The following SLIT2 variants were observed in gnomAD, a reference collection of about 807,000 sequenced individuals.
The protein encoded by SLIT2 is slit homolog 2 protein.
A neutral mutation model predicts 185.7 loss-of-function variants in SLIT2; 41 were observed. The ratio of observed to expected loss-of-function variants is 0.22; its 90% CI spans 0.17 to 0.29. The LOEUF is 0.29. Ranked by LOEUF, SLIT2 falls within the 10% of genes least tolerant of loss-of-function variation. The pLI, the probability that SLIT2 is intolerant of heterozygous loss-of-function variation, is 1.00. For missense variants in SLIT2, 1,571 were observed against 1,909.0 expected, an observed-to-expected ratio of 0.82 and a Z score of 3.30; for synonymous variants, 693 against 680.2, an observed-to-expected ratio of 1.02 and a Z score of -0.29.
chr4:20,400,429 A>G (rs1726254160), intron 4 of SLIT2, among the ~76,000 whole-genome samples: 1 of 151,810 alleles, frequency 6.6e-6, no homozygotes. Flanking sequence ...AGAAAAAGAG[A>G]TGAGTATACT....
chr4:20,532,149 A>G (rs565497343), intron 17 of SLIT2, 91 bp downstream of exon 17: 14 of 719,806 alleles, frequency 1.9e-5, no homozygotes, highest in Non-Finnish European at 2.3e-6. Context: ...GAAAATACTA[A>G]AAATCCTGGG....
At chr4:20,356,826 A>G (rs1028243108) in intron 4 of SLIT2, among the ~76,000 whole-genome samples, 1 of 151,864 alleles carries the variant, frequency 6.6e-6, no homozygotes, top group Non-Finnish European at 1.5e-5. Context: ...CACTTTCCAT[A>G]CCTCCCAGCC....
chr4:20,362,624 G>A (rs1378254646), intron 4 of SLIT2, among the ~76,000 whole-genome samples: 3 of 150,940 alleles, frequency 2.0e-5, no homozygotes, highest in African/African-American at 4.9e-5. Flanking sequence ...TTACTTTTTT[G>A]TATTTTTTAA....
At chr4:20,563,071 C>G (rs1357923931) in intron 26 of SLIT2, among the ~76,000 whole-genome samples, 2 of 151,704 alleles carry the variant, frequency 1.3e-5, no homozygotes, top group Non-Finnish European at 2.9e-5. Flanking sequence ...TTAATGGAAT[C>G]GAGGTCCAAC....
rs1474651296 is a variant in SLIT2, at chr4:20,554,758, GTTTTGT to G, written c.2725+795_2725+800del. On this transcript the variant is annotated intron_variant, in intron 26 of 36. Transcript: ENST00000504154. ...ATTGTGGGGTTTTGGGGGGGCTTTT[GTTTTGT>G]TTTTTTTTTGTTTGTTTGAGACAGA... is the stretch of plus-strand genomic sequence containing the variant. Among the ~76,000 whole-genome samples, 196 of 149,524 alleles carry G rather than the reference GTTTTGT, an allele frequency of 1.3e-3. 1 individual carries two copies. The highest frequency in any genetic ancestry group is 4.5e-3 in the African/African-American group (181 of 39,886).
intron 4 of SLIT2, among the ~76,000 whole-genome samples, chr4:20,381,254 A>C (rs1023787544): frequency 6.7e-6 from 1 of 150,000 alleles, no homozygotes; most frequent in Non-Finnish European, 1.5e-5. Context: ...TCCATCTCAA[A>C]AAATAAAAAA....
Position 20,528,143 on chromosome 4 carries a change from T to C in SLIT2, c.1463-806T>C. 1 of 453,022 alleles carries C rather than the reference T, an allele frequency of 2.2e-6. No individual in the cohort carries two copies. The highest frequency in any genetic ancestry group is 4.5e-6 in the Non-Finnish European group (1 of 224,112). The allele number at this position is 453,022 out of a possible 1,614,324, so 28.1% of individuals were successfully genotyped here. A position where few individuals can be genotyped will look rare whatever the true frequency, so the allele number is the denominator to read the frequency against. On this transcript the variant is annotated intron_variant, in intron 15 of 36. Transcript: ENST00000504154. This position sits in a 1 kb window ranked among gnomAD's most constrained non-coding sequence, Gnocchi z 4.2. ...AAATCATCGGTAGTAATACTCTTAC[T>C]GTGGTCATAAACATTCTGCGGGAAG...
At chr4:20,296,488 G>C (rs904193003) in intron 4 of SLIT2, among the ~76,000 whole-genome samples, 2 of 152,156 alleles carry the variant, frequency 1.3e-5, no homozygotes, top group Non-Finnish European at 2.9e-5. Context: ...CCAAGTACAA[G>C]GGGTATTTGT....
At chr4:20,461,224 A>G (rs1713672579) in intron 4 of SLIT2, among the ~76,000 whole-genome samples, 1 of 152,184 alleles carries the variant, frequency 6.6e-6, no homozygotes, top group Admixed American at 6.5e-5. Flanking sequence ...GCTGAACGAT[A>G]TGGAAGATCA....
At chr4:20,267,818 C>G (rs1713194063) in intron 3 of SLIT2, among the ~76,000 whole-genome samples, 1 of 151,746 alleles carries the variant, frequency 6.6e-6, no homozygotes, top group Admixed American at 6.6e-5. Context: ...TAAGAAATAC[C>G]TCTGGTTTCC....
chr4:20,588,940 TG>T (rs1229747265), intron 29 of SLIT2, among the ~76,000 whole-genome samples: 1 of 152,232 alleles, frequency 6.6e-6, no homozygotes, highest in Admixed American at 6.5e-5. Context: ...TGTCAGAGGA[TG>T]TGGCTCTAAG....
intron 4 of SLIT2, among the ~76,000 whole-genome samples, chr4:20,441,985 TAAA>T (rs894240124): frequency 2.0e-4 from 30 of 152,070 alleles, no homozygotes; most frequent in African/African-American, 6.8e-4. Flanking sequence ...GTAGCTACAA[TAAA>T]AAACATTTAA....
intron 14 of SLIT2, among the ~76,000 whole-genome samples, chr4:20,524,871 C>A (rs1453964771): frequency 6.6e-6 from 1 of 152,030 alleles, no homozygotes; most frequent in Non-Finnish European, 1.5e-5. Flanking sequence ...TATTTTATGT[C>A]TTTTTGGTAC....
chr4:20,268,303 CCT>C (rs1049337939), intron 3 of SLIT2, among the ~76,000 whole-genome samples: 4 of 151,232 alleles, frequency 2.6e-5, no homozygotes, highest in Non-Finnish European at 1.5e-5. Context: ...CCTGATTTTG[CCT>C]ATGGGACAAA....
At chr4:20,488,383 C>G (rs558828979) in intron 7 of SLIT2, among the ~76,000 whole-genome samples, 1 of 152,220 alleles carries the variant, frequency 6.6e-6, no homozygotes, top group African/African-American at 2.4e-5. Context: ...GTTTTATAAG[C>G]GGTTTCTATA....
intron 4 of SLIT2, among the ~76,000 whole-genome samples, chr4:20,347,232 C>G (rs1276061746): frequency 6.6e-6 from 1 of 152,190 alleles, no homozygotes. Flanking sequence ...GCCATGGATG[C>G]TTCTCTGTTA....
In SLIT2 at chr4:20,439,919, A is replaced by G. The variant is rs1476388523; in HGVS notation, c.396-27833A>G. ...AAAAGACATCATAGAGTTAAGACCTATTGACTTAAAAGCACACAGAAAGCA... is the reference window on the plus strand; with the variant it reads ...AAAAGACATCATAGAGTTAAGACCTGTTGACTTAAAAGCACACAGAAAGCA... On this transcript the variant is annotated intron_variant, in intron 4 of 36. Coordinates refer to ENST00000504154, the MANE Select transcript of SLIT2 (RefSeq NM_004787.4). Among the ~76,000 whole-genome samples the G allele has an allele frequency of 8.6e-4, 131 of 152,348 alleles. 1 individual carries two copies. Among genetic ancestry groups the G allele is most frequent in the Non-Finnish European group, 1.2e-4 (8 of 68,034 alleles).
chr4:20,429,374 T>A (rs1728797560), intron 4 of SLIT2, among the ~76,000 whole-genome samples: 1 of 152,190 alleles, frequency 6.6e-6, no homozygotes, highest in Non-Finnish European at 1.5e-5. Flanking sequence ...CACTGTCTTT[T>A]CTAACGGTAA....
rs150414226 is a variant in SLIT2 at position 20,534,050 on chromosome 4, C to G, written c.1832+335C>G. 3.3e-5 allele frequency among the ~76,000 whole-genome samples: 5 copies of G among 152,314 alleles called. No homozygotes were observed. The East Asian group carries it at 9.6e-4, about 29-fold the overall frequency. The stretch of plus-strand genomic sequence containing the variant: ...GGAGCGTCCCCCATGGCTTCTGTCT[C>G]TTCTACAAAATAGATCATCCTTGTT... On this transcript the variant is annotated intron_variant, in intron 18 of 36. Transcript: ENST00000504154.
Sources: gnomAD v4.1 joint callset for allele counts (sites outside exome capture counted in the v4.1 genomes callset) on GRCh38, gnomAD v4.1.1 for gene constraint, Gnocchi (gnomAD v3.1) non-coding constraint, MANE v1.5 for transcripts, NCBI Gene and HGNC (gene_info 2026-07-23, HGNC 2026-07-21) for gene names.